TRPA1: variants seen among roughly 807,000 people sequenced by gnomAD.
The protein encoded by TRPA1 is ankyrin-like with transmembrane domains 1.
Under a neutral mutation model 131.3 loss-of-function variants are expected in TRPA1, and 129 were observed. The ratio of observed to expected loss-of-function variants is 0.98; its 90% confidence interval spans 0.85 to 1.14. The LOEUF is 1.14. TRPA1 is among the 50% of genes most tolerant of loss of function. The pLI, the probability that TRPA1 is intolerant of heterozygous loss-of-function variation, is 0.00. For missense variants in TRPA1, 1,304 were observed against 1,354.2 expected (o/e 0.96, Z 0.58); for synonymous variants, 441 against 451.7 (o/e 0.98, Z 0.30).
intron 1 of TRPA1, among the ~76,000 whole-genome samples, chr8:72,075,017 G>A (rs1044725482): frequency 2.0e-5 from 3 of 152,188 alleles, no homozygotes; most frequent in Non-Finnish European, 2.9e-5. Context: ...GCAGCTGCCC[G>A]ATCTTGTGCC....
At chr8:72,079,899 G>A (rs1806257216), upstream of TRPA1, among the ~76,000 whole-genome samples, 1 of 151,726 alleles carries the variant, frequency 6.6e-6, no homozygotes, top group East Asian at 1.9e-4. Flanking sequence ...TATTCCTAAG[G>A]ATTTTATTAA....
chr8:72,075,665 T>G, upstream of TRPA1: 1 of 518,538 alleles, frequency 1.9e-6, no homozygotes, highest in Middle Eastern at 5.4e-4. Flanking sequence ...GCGGAGCTCC[T>G]TCGCAAAGAG....
At position 72,023,847 on chromosome 8, in the gene TRPA1, G is replaced by C; in HGVS notation, c.3116C>G (p.Ser1039Cys). 6.3e-7 allele frequency: 1 copy of C among 1,593,240 alleles called. No individual in the cohort carries two copies. Among genetic ancestry groups the C allele is most frequent in the East Asian group, 2.2e-5 (1 of 44,620 alleles). ...CTGCTTTAATATTTCCATTTCTAAA[G>C]ATTTATCAGCATTTGGTATTTCTTG... ...IRQEIPNADK[S>C]LEMEILKQKY... The change falls in exon 26 of 27, where the codon TCT (serine) becomes TGT (cysteine). Residue 1039 changes from serine to cysteine, a missense_variant. Ser to Cys is a moderately radical substitution (Grantham distance 112). Transcript: ENST00000262209.
intron 9 of TRPA1, 28 bp from the exon 10 acceptor site, chr8:72,057,045 A>G (rs1376470355): frequency 6.7e-7 from 1 of 1,502,368 alleles, no homozygotes; most frequent in Admixed American, 1.8e-5. Flanking sequence ...GTAAATATAA[A>G]TTCTATTCAT....
At chr8:72,030,174 C>A (rs188818569) in intron 23 of TRPA1, among the ~76,000 whole-genome samples, 1 of 152,112 alleles carries the variant, frequency 6.6e-6, no homozygotes, top group African/African-American at 2.4e-5. Flanking sequence ...TGGTAAGAAC[C>A]CATTCCTCAT....
intron 23 of TRPA1, among the ~76,000 whole-genome samples, chr8:72,030,460 T>C (rs573821570): frequency 1.3e-5 from 2 of 152,330 alleles, no homozygotes; most frequent in East Asian, 3.9e-4. Flanking sequence ...AGCTGCAGAA[T>C]ACTTTGGTAA....
At position 72,071,676 on chromosome 8, in the gene TRPA1, T is replaced by C. The variant is rs770394500; in HGVS notation, c.268+35A>G. 6.2e-6 allele frequency: 10 copies of C among 1,609,258 alleles called. No homozygotes were observed. The African/African-American group carries it at 1.3e-4, about 22-fold the overall frequency. On this transcript the variant is annotated intron_variant, in intron 2 of 26. Coordinates refer to ENST00000262209, the MANE Select transcript of TRPA1 (RefSeq NM_007332.3). ...TTTCTAGTTAATTGAATGGGATGAA[T>C]GATTTCTGGAAGATGAATTGTAATA...
At chr8:72,072,982 A>T (rs1027988506) in intron 1 of TRPA1, among the ~76,000 whole-genome samples, 1 of 152,186 alleles carries the variant, frequency 6.6e-6, no homozygotes, top group Non-Finnish European at 1.5e-5. Flanking sequence ...AAGATTTTTT[A>T]AAGTTCTGAA....
At chr8:72,026,592 T>TA (rs1811618303) in intron 24 of TRPA1, among the ~76,000 whole-genome samples, 1 of 152,310 alleles carries the variant, frequency 6.6e-6, no homozygotes, top group Admixed American at 6.5e-5. Context: ...CTCTCATGCT[T>TA]AAGAGTATGT....
At chr8:72,041,450 T>C (rs896223538) in intron 17 of TRPA1, 16 of 151,980 alleles carry the variant, frequency 1.1e-4, no homozygotes, top group African/African-American at 3.6e-4. Context: ...TTCTCTAAGA[T>C]AGACCACATA....
intron 13 of TRPA1, chr8:72,053,044 A>AGAGAGAGAGAGAGAG: frequency 2.9e-6 from 1 of 348,556 alleles, no homozygotes; most frequent in Non-Finnish European, 5.3e-6. Context: ...AGAGAGAGAG[A>AGAGAGAGAGAGAGAG]ATGAATTCCA....
At chr8:72,027,857 TG>T (rs146976578) in intron 24 of TRPA1, among the ~76,000 whole-genome samples, 5 of 152,130 alleles carry the variant, frequency 3.3e-5, no homozygotes, top group Non-Finnish European at 7.4e-5. Flanking sequence ...ATAGAAAATA[TG>T]GGGGGTACTA....
rs1329429717 is a variant in TRPA1 at position 72,054,152 on chromosome 8, TTA to T, written c.1530-287_1530-286del. 66 of 422,754 alleles carry T rather than the reference TTA, an allele frequency of 1.6e-4. 1 individual carries two copies. The highest frequency in any genetic ancestry group is 8.7e-5 in the Non-Finnish European group (20 of 229,612). 26.2% of individuals were successfully genotyped at this position (422,754 alleles called of 1,614,324 possible). A position where few individuals can be genotyped will look rare whatever the true frequency, so the allele number is the denominator to read the frequency against. On this transcript the variant is annotated intron_variant, in intron 12 of 26. Coordinates refer to ENST00000262209, the MANE Select transcript of TRPA1 (RefSeq NM_007332.3). ...ACACTTTGGGGTAGGAGAAGTACGC[TTA>T]GCATGTCTGTGTCATACCTAATTTT... is the stretch of plus-strand genomic sequence containing the variant.
intron 17 of TRPA1, among the ~76,000 whole-genome samples, chr8:72,045,239 C>T (rs1812387804): frequency 6.6e-6 from 1 of 151,892 alleles, no homozygotes; most frequent in South Asian, 2.1e-4. Context: ...CTGCATTCTC[C>T]ATACTCCAAG....
At position 72,039,816 on chromosome 8, in the gene TRPA1, T is replaced by C; in HGVS notation, c.2062-19A>G. On this transcript the variant is annotated intron_variant, in intron 17 of 26. Coordinates refer to ENST00000262209, the MANE Select transcript of TRPA1 (RefSeq NM_007332.3). The stretch of plus-strand genomic sequence containing the variant: ...CCATTGCCTGAGAAATAAAAAAAAG[T>C]GTAATAAAAACACAATCATAATCAA... The C allele has an allele frequency of 1.9e-6, 3 of 1,553,692 alleles. No individual in the cohort carries two copies. Among genetic ancestry groups the C allele is most frequent in the Non-Finnish European group, 2.7e-6 (3 of 1,126,722 alleles).
chr8:72,030,238 G>T (rs554159914), intron 23 of TRPA1, among the ~76,000 whole-genome samples: 1 of 152,250 alleles, frequency 6.6e-6, no homozygotes, highest in African/African-American at 2.4e-5. Flanking sequence ...GAGCTAATAA[G>T]CTCCCTCATA....
chr8:72,025,861 G>A lies in TRPA1; in HGVS notation c.3051+99C>T. The stretch of plus-strand genomic sequence containing the variant: ...AACTCCTCTGCCCACAGGCAGAGAA[G>A]ACTCAAAGTCTATAAAAGGGCCCCC... On this transcript the variant is annotated intron_variant, in intron 25 of 26. Transcript: ENST00000262209. 11 of 976,808 alleles carry A rather than the reference G, an allele frequency of 1.1e-5. No homozygotes were observed. In the South Asian group the frequency reaches 1.5e-4, roughly 13 times the overall value. 60.5% of individuals were successfully genotyped at this position (976,808 alleles called of 1,614,324 possible).
At chr8:72,044,943 T>C (rs1188282271) in intron 17 of TRPA1, among the ~76,000 whole-genome samples, 2 of 152,048 alleles carry the variant, frequency 1.3e-5, no homozygotes, top group Non-Finnish European at 2.9e-5. Flanking sequence ...AGATGCTACA[T>C]AGATCTTATT....
chr8:72,088,131 T>C, the TRPA1 span, among the ~76,000 whole-genome samples: 5,841 of 152,340 alleles, frequency 0.038, 378 homozygotes, highest in African/African-American at 0.13. Context: ...GTCTGATGAA[T>C]GCTTGAAGCT....
Sources: allele counts gnomAD v4.1 joint callset (sites outside exome capture counted in the v4.1 genomes callset), GRCh38; gene constraint gnomAD v4.1.1; transcripts MANE v1.5; gene names NCBI Gene and HGNC (gene_info 2026-07-23, HGNC 2026-07-21).